ADAMTS17: variants seen among roughly 807,000 people sequenced by gnomAD.
ADAMTS17 encodes A disintegrin and metalloproteinase with thrombospondin motifs 17.
A neutral mutation model predicts 141.5 loss-of-function variants in ADAMTS17; 113 were observed. The observed-to-expected ratio is 0.80, with a 90% confidence interval of 0.69 to 0.93. The LOEUF is 0.93. ADAMTS17 is among the 40% of genes least tolerant of loss of function. ADAMTS17 has a pLI of 0.00. For missense variants in ADAMTS17, 1,659 were observed against 1,517.9 expected (o/e 1.09, Z -1.54); for synonymous variants, 768 against 630.6 (o/e 1.22, Z -3.27).
At chr15:100,099,051 T>C (rs1293031854) in intron 14 of ADAMTS17, among the ~76,000 whole-genome samples, 2 of 152,242 alleles carry the variant, frequency 1.3e-5, no homozygotes, top group African/African-American at 4.8e-5. Flanking sequence ...GGTTTCCTGA[T>C]TCAACAGCTT....
At chr15:100,207,311 T>C (rs1463883502) in intron 7 of ADAMTS17, among the ~76,000 whole-genome samples, 1 of 152,146 alleles carries the variant, frequency 6.6e-6, no homozygotes, top group African/African-American at 2.4e-5. Flanking sequence ...CCCAAACCAG[T>C]CCTACTGGCA....
chr15:100,246,722 T>A lies in ADAMTS17; in HGVS notation c.1075+7414A>T, dbSNP rs1031833185. 5.3e-5 allele frequency among the ~76,000 whole-genome samples: 8 copies of A among 152,304 alleles called. No individual in the cohort carries two copies. The East Asian group carries it at 9.6e-4, about 18-fold the overall frequency. On this transcript the variant is annotated intron_variant, in intron 7 of 21. Transcript: ENST00000268070. ...ATGTCTGGAGACTACACTTTTTTTTTATTGTATTTTATCCATTCCATAGCC... is the reference window on the plus strand; with the variant it reads ...ATGTCTGGAGACTACACTTTTTTTTAATTGTATTTTATCCATTCCATAGCC...
chr15:100,014,130 A>C (rs1020228797), intron 18 of ADAMTS17, among the ~76,000 whole-genome samples: 2 of 152,104 alleles, frequency 1.3e-5, no homozygotes, highest in Non-Finnish European at 2.9e-5. Context: ...TATTTTTCCA[A>C]GAATTTATCT....
intron 7 of ADAMTS17, among the ~76,000 whole-genome samples, chr15:100,214,185 C>T (rs2041897807): frequency 6.6e-6 from 1 of 152,180 alleles, no homozygotes; most frequent in African/African-American, 2.4e-5. Flanking sequence ...CCCACCGTCT[C>T]CCCCTTCAGC....
At chr15:100,206,162 T>C (rs115937794) in intron 7 of ADAMTS17, among the ~76,000 whole-genome samples, 4,873 of 152,260 alleles carry the variant, frequency 0.032, 264 homozygotes, top group African/African-American at 0.11. Context: ...TGGAGTTCCC[T>C]TTCAGGAGAC....
intron 7 of ADAMTS17, among the ~76,000 whole-genome samples, chr15:100,249,069 G>T (rs1277793462): frequency 6.6e-6 from 1 of 152,024 alleles, no homozygotes; most frequent in East Asian, 1.9e-4. Flanking sequence ...AAAGTGATGG[G>T]ATTACAGGCG....
chr15:100,112,359 C>A (rs1256558313), intron 13 of ADAMTS17, among the ~76,000 whole-genome samples: 1 of 152,118 alleles, frequency 6.6e-6, no homozygotes, highest in African/African-American at 2.4e-5. Flanking sequence ...CCCTTCCCTG[C>A]TCAGCCAGAA....
At chr15:100,148,116 A>G (rs533936200) in intron 10 of ADAMTS17, among the ~76,000 whole-genome samples, 1 of 152,386 alleles carries the variant, frequency 6.6e-6, no homozygotes, top group East Asian at 1.9e-4. Context: ...ATAACCCAAG[A>G]AAATCTCCCC....
rs536068514 is a variant in ADAMTS17, at chr15:100,034,426, C to T, written c.2591+14431G>A. Among the ~76,000 whole-genome samples, 16 of 152,320 alleles carry T rather than the reference C, an allele frequency of 1.1e-4. No homozygotes were observed. The South Asian group carries it at 2.5e-3, about 24-fold the overall frequency. ...TGTGTACACAGTGCAGAGGCCTGGC[C>T]GGCCAACAAGGAGGCTGCAGAGCAT... On this transcript the variant is annotated intron_variant, in intron 18 of 21. Coordinates refer to ENST00000268070, the MANE Select transcript of ADAMTS17 (RefSeq NM_139057.4).
Position 100,324,537 on chromosome 15 carries a change from G to A in ADAMTS17, c.616+6352C>T, listed in dbSNP as rs142355716. ...GCAAGGACCATACTATGTCATGTTC[G>A]CCATAGTATGCAAATCTCACCAGAG... On this transcript the variant is annotated intron_variant, in intron 3 of 21. Transcript: ENST00000268070. Among the ~76,000 whole-genome samples, 55 of 152,174 alleles carry A rather than the reference G, an allele frequency of 3.6e-4. No individual in the cohort carries two copies. The South Asian group carries it at 5.8e-3, about 16-fold the overall frequency.
At chr15:100,091,533 C>A (rs1173855081) in intron 15 of ADAMTS17, among the ~76,000 whole-genome samples, 1 of 152,170 alleles carries the variant, frequency 6.6e-6, no homozygotes, top group Admixed American at 6.5e-5. Context: ...TGATGTTGAC[C>A]TTTAACCTGT....
At chr15:100,063,896 G>C (rs1033680421) in intron 15 of ADAMTS17, 15 of 515,584 alleles carry the variant, frequency 2.9e-5, no homozygotes, top group African/African-American at 2.2e-4. Context: ...AGAAGAAGGA[G>C]GCTCTCCTAA....
chr15:100,054,087 G>A, intron 15 of ADAMTS17, 33 bp from the exon 16 acceptor site: 2 of 1,613,978 alleles, frequency 1.2e-6, no homozygotes, highest in Non-Finnish European at 1.7e-6. Flanking sequence ...AAGAATCAAG[G>A]GGCTGGGGGT....
At position 100,287,080 on chromosome 15, in the gene ADAMTS17, C is replaced by G. The variant is rs974811943; in HGVS notation, c.617-5679G>C. ...GCACACACCTGTAGTCCCAGCTACT[C>G]AGGAGGCTGAGGTGGGAGAATCACT... On this transcript the variant is annotated intron_variant, in intron 3 of 21. Transcript: ENST00000268070. Among the ~76,000 whole-genome samples the G allele has an allele frequency of 2.6e-5, 4 of 152,126 alleles. 1 individual carries two copies. In the East Asian group the frequency reaches 7.7e-4, roughly 29 times the overall value.
chr15:99,982,903 C>T (rs1371837279), intron 20 of ADAMTS17, among the ~76,000 whole-genome samples: 3 of 152,202 alleles, frequency 2.0e-5, no homozygotes, highest in Non-Finnish European at 2.9e-5. Context: ...CCACCCTTCC[C>T]AGGCAGGGAG....
At chr15:100,219,221 C>T (rs77309895) in intron 7 of ADAMTS17, among the ~76,000 whole-genome samples, 2,666 of 152,218 alleles carry the variant, frequency 0.018, 71 homozygotes, top group African/African-American at 0.057. Flanking sequence ...TGACTTCTAA[C>T]GAGTACAGGG....
intron 10 of ADAMTS17, among the ~76,000 whole-genome samples, chr15:100,142,632 G>C (rs146713362): frequency 6.6e-6 from 1 of 152,198 alleles, no homozygotes. Flanking sequence ...AGAAGACTGA[G>C]ACATAGTGAG....
intron 7 of ADAMTS17, among the ~76,000 whole-genome samples, chr15:100,211,645 A>G (rs1447228688): frequency 6.6e-6 from 1 of 152,196 alleles, no homozygotes; most frequent in Non-Finnish European, 1.5e-5. Context: ...CATACTGAAA[A>G]CTTCTATGTC....
intron 18 of ADAMTS17, among the ~76,000 whole-genome samples, chr15:100,016,652 C>T (rs1295286812): frequency 6.6e-6 from 1 of 152,162 alleles, no homozygotes; most frequent in Non-Finnish European, 1.5e-5. Flanking sequence ...TCTAGCCACC[C>T]AGCAAGTCTA....
Sources: allele counts gnomAD v4.1 joint callset (sites outside exome capture counted in the v4.1 genomes callset), GRCh38; gene constraint gnomAD v4.1.1; transcripts MANE v1.5; gene names NCBI Gene and HGNC (gene_info 2026-07-23, HGNC 2026-07-21).